NLGN1: variants seen among roughly 807,000 people sequenced by gnomAD.
NLGN1 encodes neuroligin-1.
In NLGN1, 12 loss-of-function variants were observed where a neutral mutation model predicts 65.5. The observed-to-expected ratio is 0.18, with a 90% CI of 0.12 to 0.30. NLGN1 has a LOEUF of 0.30. Among genes scored for constraint, NLGN1 ranks in the 10% least tolerant of loss-of-function variants. The pLI is 1.00. For missense variants in NLGN1, 750 were observed against 1,007.1 expected, an observed-to-expected ratio of 0.74 and a Z score of 3.46; for synonymous variants, 350 against 359.5, an observed-to-expected ratio of 0.97 and a Z score of 0.30.
At chr3:173,825,556 G>A (rs535411125) in intron 4 of NLGN1, among the ~76,000 whole-genome samples, 3 of 151,934 alleles carry the variant, frequency 2.0e-5, no homozygotes, top group South Asian at 4.2e-4. Context: ...GAAAATAATG[G>A]ATGCTTACAT....
intron 4 of NLGN1, among the ~76,000 whole-genome samples, chr3:174,012,137 T>C (rs1725685002): frequency 6.6e-6 from 1 of 152,166 alleles, no homozygotes; most frequent in African/African-American, 2.4e-5. Context: ...GAGTCTGTGC[T>C]GCTAAACTTG....
intron 3 of NLGN1, among the ~76,000 whole-genome samples, chr3:173,673,982 G>A (rs912163140): frequency 2.6e-5 from 4 of 152,016 alleles, no homozygotes; most frequent in African/African-American, 7.2e-5. Context: ...TAAATGAAGA[G>A]GGTGAAGTAA....
intron 4 of NLGN1, among the ~76,000 whole-genome samples, chr3:174,273,224 G>T (rs1162293309): frequency 6.6e-6 from 1 of 151,616 alleles, no homozygotes; most frequent in African/African-American, 2.4e-5. Flanking sequence ...GGAGTAATTT[G>T]AATGTAACTG....
intron 3 of NLGN1, among the ~76,000 whole-genome samples, chr3:173,761,251 T>C (rs1239280962): frequency 8.5e-5 from 13 of 152,056 alleles, no homozygotes; most frequent in Admixed American, 6.6e-5. Flanking sequence ...AACAACCTAA[T>C]TTGCTTGTTC....
intron 3 of NLGN1, among the ~76,000 whole-genome samples, chr3:173,750,418 C>A (rs1386971656): frequency 2.0e-5 from 3 of 151,976 alleles, no homozygotes; most frequent in Non-Finnish European, 4.4e-5. Flanking sequence ...ATTACATCAC[C>A]TTTGCAAATT....
At chr3:173,682,755 C>T (rs140193536) in intron 3 of NLGN1, among the ~76,000 whole-genome samples, 1 of 152,044 alleles carries the variant, frequency 6.6e-6, no homozygotes, top group Non-Finnish European at 1.5e-5. Flanking sequence ...TAAATAACTC[C>T]CACATGCTTA....
Position 174,255,637 on chromosome 3 carries a change from CTATTTATTTATT to C in NLGN1, c.647-19652_647-19641del, listed in dbSNP as rs140772917. Reference sequence around the variant, plus strand: ...TCTTTTTCTCTTTCTTTCTTTTCTTCTATTTATTTATTTATTTATTTATTTATTTATTTATTT... The same window carrying C: ...TCTTTTTCTCTTTCTTTCTTTTCTTCTATTTATTTATTTATTTATTTATTT... On this transcript the variant is annotated intron_variant, in intron 4 of 6. Transcript: ENST00000457714. 4.9e-3 allele frequency among the ~76,000 whole-genome samples: 700 copies of C among 141,936 alleles called. 7 individuals carry two copies. The highest frequency in any genetic ancestry group is 0.017 in the African/African-American group (628 of 37,612). The allele number at this position is 141,936 out of a possible 152,430, so 93.1% of individuals were successfully genotyped here. A position where few individuals can be genotyped will look rare whatever the true frequency, so the allele number is the denominator to read the frequency against.
chr3:174,139,905 T>A (rs1051259535), intron 4 of NLGN1, among the ~76,000 whole-genome samples: 16 of 152,212 alleles, frequency 1.1e-4, no homozygotes, highest in Non-Finnish European at 1.0e-4. Flanking sequence ...TAGTGAGGTG[T>A]CTATTTAAGT....
chr3:173,604,504 C>A, exon 3 of NLGN1: 3 of 1,331,150 alleles, frequency 2.3e-6, no homozygotes, highest in Non-Finnish European at 3.1e-6. Flanking sequence ...TGTAAGAAAT[C>A]GGAGGTATAT....
chr3:173,456,906 A>G (rs1277111875), intron 2 of NLGN1, among the ~76,000 whole-genome samples: 3 of 152,130 alleles, frequency 2.0e-5, no homozygotes, highest in Admixed American at 2.0e-4. Context: ...GCTCTTGCAT[A>G]TGGATCCCCT....
intron 3 of NLGN1, among the ~76,000 whole-genome samples, chr3:173,723,867 T>C (rs1771290420): frequency 6.6e-6 from 1 of 152,158 alleles, no homozygotes; most frequent in Non-Finnish European, 1.5e-5. Context: ...AGATAGATGG[T>C]AGTGGTTTGG....
intron 2 of NLGN1, among the ~76,000 whole-genome samples, chr3:173,562,195 C>G (rs1742845523): frequency 6.6e-6 from 1 of 152,096 alleles, no homozygotes; most frequent in Non-Finnish European, 1.5e-5. Flanking sequence ...TTGAGCTAAT[C>G]CTAGAAATTG....
At chr3:173,661,324 C>T (rs1349732593) in intron 3 of NLGN1, among the ~76,000 whole-genome samples, 3 of 151,934 alleles carry the variant, frequency 2.0e-5, no homozygotes, top group African/African-American at 2.4e-5. Context: ...ATGTTATCCA[C>T]GTTTTTCAGA....
At chr3:173,955,091 G>A (rs1220358962) in intron 4 of NLGN1, among the ~76,000 whole-genome samples, 2 of 152,134 alleles carry the variant, frequency 1.3e-5, no homozygotes, top group Admixed American at 1.3e-4. Context: ...GAGTGTGGCT[G>A]TGTTTCCATA....
At chr3:174,071,453 G>A (rs1739846327) in intron 4 of NLGN1, among the ~76,000 whole-genome samples, 1 of 152,102 alleles carries the variant, frequency 6.6e-6, no homozygotes, top group African/African-American at 2.4e-5. Context: ...AGACCGAGGT[G>A]GGTGGATCAC....
At chr3:173,633,013 C>T (rs1176373112) in intron 3 of NLGN1, among the ~76,000 whole-genome samples, 1 of 151,422 alleles carries the variant, frequency 6.6e-6, no homozygotes, top group African/African-American at 2.4e-5. Flanking sequence ...TCTTGTGATA[C>T]CATGAAATGT....
At chr3:173,487,825 T>G (rs1285914540) in intron 2 of NLGN1, among the ~76,000 whole-genome samples, 3 of 152,024 alleles carry the variant, frequency 2.0e-5, no homozygotes, top group Admixed American at 6.6e-5. Flanking sequence ...TTGAAATACC[T>G]TCTCCGTTGT....
At chr3:174,067,153 A>G (rs924817340) in intron 4 of NLGN1, among the ~76,000 whole-genome samples, 10 of 152,182 alleles carry the variant, frequency 6.6e-5, no homozygotes, top group Non-Finnish European at 1.0e-4. Context: ...ATATGATACT[A>G]TGTTGAAAAT....
In NLGN1 at chr3:174,116,330, C is replaced by T. The variant is rs927727015; in HGVS notation, c.647-158985C>T. On this transcript the variant is annotated intron_variant, in intron 4 of 6. Transcript: ENST00000457714. ...ACATGTAAGTTTTTTTCTGGGTTTT[C>T]TTTTTTTTTTTTTTTTTTTTTTTTT... Among the ~76,000 whole-genome samples the T allele has an allele frequency of 4.2e-3, 288 of 69,304 alleles. 8 individuals are homozygous for T. The highest frequency in any genetic ancestry group is 6.0e-3 in the South Asian group (11 of 1,836). 45.5% of individuals were successfully genotyped at this position (69,304 alleles called of 152,430 possible).
Sources: allele counts gnomAD v4.1 joint callset (sites outside exome capture counted in the v4.1 genomes callset), GRCh38; gene constraint gnomAD v4.1.1; transcripts MANE v1.5; gene names NCBI Gene and HGNC (gene_info 2026-07-23, HGNC 2026-07-21).